The following PARD3B variants were observed in gnomAD, a reference collection of about 807,000 sequenced individuals.
PARD3B encodes the protein par-3 family cell polarity regulator beta.
Under a neutral mutation model 130.2 loss-of-function variants are expected in PARD3B, and 103 were observed. The ratio of observed to expected loss-of-function variants is 0.79; its 90% CI spans 0.67 to 0.93. The LOEUF (loss-of-function observed/expected upper bound fraction) is 0.93, where lower values mean the gene tolerates loss of function less well. Among genes scored for constraint, PARD3B ranks in the 40% least tolerant of loss-of-function variants. PARD3B has a pLI of 0.00. For missense variants in PARD3B, 1,609 were observed against 1,499.2 expected (o/e 1.07, Z -1.21); for synonymous variants, 583 against 553.2 (o/e 1.05, Z -0.76).
Position 204,675,176 on chromosome 2 carries a change from C to CT in PARD3B, c.121-11002dup, listed in dbSNP as rs886657770. Among the ~76,000 whole-genome samples, 3 of 151,832 alleles carry CT rather than the reference C, an allele frequency of 2.0e-5. No individual in the cohort carries two copies. Among genetic ancestry groups the CT allele is most frequent in the Non-Finnish European group, 4.4e-5 (3 of 67,950 alleles). On this transcript the variant is annotated intron_variant, in intron 1 of 22. Coordinates refer to ENST00000406610, the MANE Select transcript of PARD3B (RefSeq NM_001302769.2). This position sits in a 1 kb window ranked among gnomAD's most constrained non-coding sequence, Gnocchi z 4.4. ...GGATTTTTAAAAAATCAGCTGTTTT[C>CT]TTTAAAATTACTTTGAGTCATTGTT...
intron 2 of PARD3B, among the ~76,000 whole-genome samples, chr2:204,948,271 G>A (rs1355970870): frequency 6.6e-6 from 1 of 152,158 alleles, no homozygotes; most frequent in East Asian, 1.9e-4. Context: ...CCTGTCCAAA[G>A]ACCAACATAA....
Position 204,620,661 on chromosome 2 carries a change from G to A in PARD3B, c.121-65520G>A, listed in dbSNP as rs187538554. Among the ~76,000 whole-genome samples the A allele has an allele frequency of 4.7e-3, 718 of 152,278 alleles. 6 individuals are homozygous for A. Among genetic ancestry groups the A allele is most frequent in the African/African-American group, 0.017 (694 of 41,560 alleles). ...TCTGAACTCACAGCCACTTGTGTAG[G>A]TTAACAATAAAAAGCATGTATAGAG... On this transcript the variant is annotated intron_variant, in intron 1 of 22. Coordinates refer to ENST00000406610, the MANE Select transcript of PARD3B (RefSeq NM_001302769.2).
chr2:205,465,148 A>G (rs1211171721), intron 20 of PARD3B, among the ~76,000 whole-genome samples: 4 of 152,242 alleles, frequency 2.6e-5, no homozygotes, highest in Non-Finnish European at 5.9e-5. Context: ...ACCTAATGTC[A>G]TATAACTCAG....
At chr2:204,941,218 A>G (rs1688872376) in intron 2 of PARD3B, among the ~76,000 whole-genome samples, 1 of 152,198 alleles carries the variant, frequency 6.6e-6, no homozygotes, top group Non-Finnish European at 1.5e-5. Context: ...TACTAAAAAT[A>G]CAAAAATTAG....
At chr2:205,010,085 A>C (rs1695595133) in intron 3 of PARD3B, among the ~76,000 whole-genome samples, 1 of 152,202 alleles carries the variant, frequency 6.6e-6, no homozygotes, top group African/African-American at 2.4e-5. Context: ...TTTTCCAAGC[A>C]GGCAATTTTA....
chr2:204,697,314 A>G (rs1476226698), intron 2 of PARD3B, among the ~76,000 whole-genome samples: 2 of 152,134 alleles, frequency 1.3e-5, no homozygotes, highest in African/African-American at 2.4e-5. Context: ...ACCTGGGACT[A>G]CAATTGAGAA....
At chr2:205,521,117 C>T (rs1182612189) in intron 21 of PARD3B, among the ~76,000 whole-genome samples, 1 of 151,548 alleles carries the variant, frequency 6.6e-6, no homozygotes, top group African/African-American at 2.4e-5. Flanking sequence ...CATTAATACA[C>T]TGAACAAATA....
chr2:205,246,496 A>G (rs2039579228), intron 16 of PARD3B, among the ~76,000 whole-genome samples: 1 of 152,182 alleles, frequency 6.6e-6, no homozygotes, highest in Non-Finnish European at 1.5e-5. Context: ...GAAAACATTT[A>G]AAGCTACTAA....
chr2:205,443,116 AATGTTAGGT>A (rs1446597243), intron 20 of PARD3B, among the ~76,000 whole-genome samples: 1 of 152,202 alleles, frequency 6.6e-6, no homozygotes, highest in Non-Finnish European at 1.5e-5. Flanking sequence ...AGCATTCACT[AATGTTAGGT>A]ATTATCATCA....
At chr2:205,270,931 A>G (rs980669315) in intron 16 of PARD3B, among the ~76,000 whole-genome samples, 6 of 152,190 alleles carry the variant, frequency 3.9e-5, no homozygotes, top group Non-Finnish European at 7.4e-5. Context: ...CTCAAAGGCT[A>G]GGAAGTAAGA....
At chr2:205,017,870 A>G (rs1257157818) in intron 3 of PARD3B, among the ~76,000 whole-genome samples, 7 of 152,306 alleles carry the variant, frequency 4.6e-5, no homozygotes, top group East Asian at 1.9e-4. Flanking sequence ...CAAGAGGGAA[A>G]AGATAAGTTA....
At chr2:205,370,032 A>G (rs2044750843) in intron 18 of PARD3B, among the ~76,000 whole-genome samples, 1 of 152,154 alleles carries the variant, frequency 6.6e-6, no homozygotes, top group South Asian at 2.1e-4. Context: ...TCCCAAGAAC[A>G]TCTTTTCCTC....
At chr2:205,226,138 T>C (rs1428922365) in intron 15 of PARD3B, among the ~76,000 whole-genome samples, 2 of 152,156 alleles carry the variant, frequency 1.3e-5, no homozygotes, top group African/African-American at 4.8e-5. Context: ...GCCTCCCGGG[T>C]TCACACCATT....
chr2:205,460,478 C>A lies in PARD3B; in HGVS notation c.3044+19806C>A, dbSNP rs1397017198. Among the ~76,000 whole-genome samples, 2 of 152,000 alleles carry A rather than the reference C, an allele frequency of 1.3e-5. No individual in the cohort carries two copies. Among genetic ancestry groups the A allele is most frequent in the Admixed American group, 1.3e-4 (2 of 15,254 alleles). On this transcript the variant is annotated intron_variant, in intron 20 of 22. Transcript: ENST00000406610. This position sits in a 1 kb window ranked among gnomAD's most constrained non-coding sequence, Gnocchi z 4.9. ...TATTGTATATTTAATATATGCCCAG[C>A]ATTGAGGTACTTTACATGCAATATG...
chr2:204,920,786 C>T (rs73053161), intron 2 of PARD3B, among the ~76,000 whole-genome samples: 7,915 of 152,158 alleles, frequency 0.052, 510 homozygotes, highest in African/African-American at 0.15. Context: ...TGTCTCTGTG[C>T]GAGACTGCCC....
rs1411867599 is a variant in PARD3B at position 205,158,640 on chromosome 2, C to T, written c.1435-82C>T. 3.7e-6 allele frequency: 5 copies of T among 1,343,776 alleles called. No homozygotes were observed. Among genetic ancestry groups the T allele is most frequent in the Admixed American group, 4.2e-5 (2 of 47,996 alleles). The allele number at this position is 1,343,776 out of a possible 1,614,324, so 83.2% of individuals were successfully genotyped here. A position where few individuals can be genotyped will look rare whatever the true frequency, so the allele number is the denominator to read the frequency against. On this transcript the variant is annotated intron_variant, in intron 10 of 22. Transcript: ENST00000406610. The surrounding 1 kb of genome is among the most constrained non-coding windows in gnomAD (Gnocchi z 5.4). ...TCCAGTCATCCTGTCCTACTGATTG[C>T]ATCTGTGTCTGGTCATCTGAGAGAG...
chr2:205,348,238 T>C (rs1432077625), intron 18 of PARD3B: 2 of 152,244 alleles, frequency 1.3e-5, no homozygotes, highest in Non-Finnish European at 2.9e-5. Flanking sequence ...AGTTCTTTCT[T>C]GAAGGAAAAG....
intron 20 of PARD3B, among the ~76,000 whole-genome samples, chr2:205,455,618 A>G (rs2048246985): frequency 6.6e-6 from 1 of 151,862 alleles, no homozygotes; most frequent in African/African-American, 2.4e-5. Flanking sequence ...CTGTAACCAT[A>G]TAGTTATAAT....
rs2053726326 is a variant in PARD3B at position 205,575,482 on chromosome 2, T to G, written c.3260+22079T>G. Among the ~76,000 whole-genome samples the G allele has an allele frequency of 6.6e-6, 1 of 152,252 alleles. No homozygotes were observed. On this transcript the variant is annotated intron_variant, in intron 22 of 22. Transcript: ENST00000406610. This position sits in a 1 kb window ranked among gnomAD's most constrained non-coding sequence, Gnocchi z 4.6. Reference sequence around the variant, plus strand: ...ACATGTATGTATCATTATAGTATCATGCAAAGTGTTTTTACTGCCCTAAAA... The same window carrying G: ...ACATGTATGTATCATTATAGTATCAGGCAAAGTGTTTTTACTGCCCTAAAA...
Sources: gnomAD v4.1 joint callset for allele counts (sites outside exome capture counted in the v4.1 genomes callset) on GRCh38, gnomAD v4.1.1 for gene constraint, Gnocchi (gnomAD v3.1) non-coding constraint, MANE v1.5 for transcripts, NCBI Gene and HGNC (gene_info 2026-07-23, HGNC 2026-07-21) for gene names.